KIF7: variants seen among roughly 807,000 people sequenced by gnomAD.
KIF7 encodes the protein kinesin-like protein KIF7.
KIF7 carries 104 observed loss-of-function variants against 135.7 expected under a neutral mutation model. The observed-to-expected ratio is 0.77, with a 90% CI of 0.65 to 0.90. KIF7 has a LOEUF of 0.90. KIF7 is among the 40% of genes least tolerant of loss of function. KIF7 has a pLI of 0.00. For synonymous variants in KIF7, 883 were observed against 809.4 expected, an observed-to-expected ratio of 1.09 and a Z score of -1.54; for missense variants, 2,005 against 1,839.1, an observed-to-expected ratio of 1.09 and a Z score of -1.65.
rs1466606411 is a variant in KIF7, at chr15:89,645,141, A to G, written c.2063T>C (p.Val688Ala). The change falls in exon 10 of 19, where the codon GTT becomes GCT. Residue 688 changes from valine to alanine, a missense_variant. By Grantham distance (64) the Val-to-Ala change is moderately conservative. Transcript: ENST00000394412. ...SRAVGGSKAR[V>A]QARQVPPATA... ...GGCAGGGGGGACCTGGCGGGCCTGAACTCGGGCCTTGCTCCCACCAACTGC... is the reference window on the plus strand; with the variant it reads ...GGCAGGGGGGACCTGGCGGGCCTGAGCTCGGGCCTTGCTCCCACCAACTGC... The G allele has an allele frequency of 6.2e-7, 1 of 1,604,542 alleles. No homozygotes were observed. Among genetic ancestry groups the G allele is most frequent in the East Asian group, 2.2e-5 (1 of 44,878 alleles).
At chr15:89,651,888 G>A (rs1336973228) in intron 2 of KIF7, among the ~76,000 whole-genome samples, 8 of 152,144 alleles carry the variant, frequency 5.3e-5, no homozygotes, top group South Asian at 2.1e-4. Flanking sequence ...AAAGAGAGCT[G>A]AGAGAGACCC....
rs935745017 is a variant in KIF7, at chr15:89,646,994, G to A, written c.1624C>T (p.Arg542Trp). 6.2e-7 allele frequency: 1 copy of A among 1,612,532 alleles called. No individual in the cohort carries two copies. Residue 542 changes from arginine (R) to tryptophan (W), a missense_variant, in exon 7 of 19, where the codon CGG becomes TGG. Transcript: ENST00000394412. ...AGCCGCGGGCCCCCCCAGCCTGGCC[G>A]CACCAGCTCTAACCGCAGCCGCAGT... ...VELRLRLELV[R>W]PGWGGPRLLN...
At chr15:89,626,172 A>G, downstream of KIF7, 1 of 1,306,584 alleles carries the variant, frequency 7.7e-7, no homozygotes, top group African/African-American at 1.5e-5. Flanking sequence ...CAAGTGTGGG[A>G]TAGGTGACTT....
intron 11 of KIF7, among the ~76,000 whole-genome samples, chr15:89,640,110 G>A (rs1484145504): frequency 1.3e-5 from 2 of 151,718 alleles, no homozygotes; most frequent in East Asian, 3.9e-4. Context: ...CATGGACACA[G>A]GAAGGGGAAC....
chr15:89,620,714 T>TTTTG (rs557806413), intron 1 of KIF7, among the ~76,000 whole-genome samples: 2,624 of 151,934 alleles, frequency 0.017, 17 homozygotes, highest in African/African-American at 0.027. Context: ...TTTTCTTATG[T>TTTTG]TTTGTTTGTT....
At chr15:89,641,009 TA>T (rs1006350302) in intron 11 of KIF7, among the ~76,000 whole-genome samples, 6 of 151,448 alleles carry the variant, frequency 4.0e-5, no homozygotes, top group African/African-American at 1.5e-4. Context: ...TCTCAAAAAA[TA>T]AAAAATGAAA....
At chr15:89,624,184 C>A (rs747524675), downstream of KIF7, 1 of 1,614,098 alleles carries the variant, frequency 6.2e-7, no homozygotes, top group Admixed American at 1.7e-5. Context: ...TATCAAAACT[C>A]CAAAAAGACC....
At chr15:89,640,364 C>G (rs985052234) in intron 11 of KIF7, among the ~76,000 whole-genome samples, 2 of 151,970 alleles carry the variant, frequency 1.3e-5, no homozygotes, top group Non-Finnish European at 2.9e-5. Flanking sequence ...ATTTACGCAC[C>G]AGGCACCACA....
rs766075678 is a variant in KIF7, at chr15:89,628,413, G to A, written c.*6C>T. ...CTCCCTCCAAGGCAGGGTCTGCCCC[G>A]AGGGCTTACAGGGGGTTTTTCCGGA... On this transcript the variant is annotated 3_prime_UTR_variant, in exon 19 of 19. Coordinates refer to ENST00000394412, the MANE Select transcript of KIF7 (RefSeq NM_198525.3). The A allele has an allele frequency of 2.4e-5, 39 of 1,601,380 alleles. No homozygotes were observed. The highest frequency in any genetic ancestry group is 1.0e-4 in the South Asian group (9 of 89,332).
intron 7 of KIF7, 21 bp downstream of exon 7, chr15:89,646,801 ACAGACACC>A (rs1964020934): frequency 1.9e-6 from 3 of 1,605,826 alleles, no homozygotes; most frequent in African/African-American, 1.3e-5. Flanking sequence ...AGCAGGGCCC[ACAGACACC>A]CAGCCTCACC....
At chr15:89,655,989 C>G (rs1311873827), upstream of KIF7, among the ~76,000 whole-genome samples, 3 of 152,162 alleles carry the variant, frequency 2.0e-5, no homozygotes, top group Admixed American at 2.0e-4. Flanking sequence ...ACCTCTGAGA[C>G]CTCTGATCCA....
upstream of KIF7, among the ~76,000 whole-genome samples, chr15:89,655,617 G>C (rs184245212): frequency 2.2e-4 from 34 of 152,244 alleles, no homozygotes; most frequent in East Asian, 6.6e-3. Context: ...CAAGGGCTGG[G>C]CCTGGAGAGT....
chr15:89,621,079 G>C (rs1963417203), intron 1 of KIF7, among the ~76,000 whole-genome samples: 1 of 150,644 alleles, frequency 6.6e-6, no homozygotes, highest in African/African-American at 2.5e-5. Context: ...GAGTGCAATG[G>C]TGCAATGTCG....
Position 89,649,821 on chromosome 15 carries a change from T to G in KIF7, c.449A>C (p.Lys150Thr), listed in dbSNP as rs1184119876. The change falls in exon 3 of 19, where the codon AAG becomes ACG. Residue 150 changes from lysine (K) to threonine (T), a missense_variant. Transcript: ENST00000394412. The stretch of plus-strand genomic sequence containing the variant: ...CTCGAGCAGGTCTCGGAACTCCTCC[T>G]TGTACACTTCCAGGTAGGACACATG... ...LVHVSYLEVY[K>T]EEFRDLLEVG... The G allele has an allele frequency of 6.4e-7, 1 of 1,551,682 alleles. No homozygotes were observed. Among genetic ancestry groups the G allele is most frequent in the African/African-American group, 1.4e-5 (1 of 73,066 alleles).
chr15:89,624,232 C>G, downstream of KIF7: 1 of 1,614,158 alleles, frequency 6.2e-7, no homozygotes, highest in Non-Finnish European at 8.5e-7. Flanking sequence ...ACCTGTTACG[C>G]CAAAGAAACT....
chr15:89,629,520 C>T lies in KIF7; in HGVS notation c.3372G>A (p.Leu1124=). 1 of 1,610,984 alleles carries T rather than the reference C, an allele frequency of 6.2e-7. No homozygotes were observed. ...TCTGCTGCTCCTCCAGCTGCATCTC[C>T]AGTTCCGAGAAGGCAATCTGCTGCT... ...QHQQQIAFSE[L]EMQLEEQQRL... is the part of the protein sequence containing the mutation. Residue 1124 remains leucine, a synonymous_variant, in exon 17 of 19, where the codon CTG becomes CTA. Transcript: ENST00000394412.
intron 11 of KIF7, among the ~76,000 whole-genome samples, chr15:89,635,608 G>A (rs573692526): frequency 4.6e-5 from 7 of 152,292 alleles, no homozygotes; most frequent in South Asian, 4.1e-4. Context: ...GAAATGAAGC[G>A]AGAAGGGAAG....
At position 89,648,695 on chromosome 15, in the gene KIF7, C is replaced by G. The variant is rs1964066114; in HGVS notation, c.1003G>C (p.Glu335Gln). 1.3e-6 allele frequency: 2 copies of G among 1,536,082 alleles called. No homozygotes were observed. The highest frequency in any genetic ancestry group is 8.7e-7 in the Non-Finnish European group (1 of 1,146,454). The change falls in exon 5 of 19, where the codon GAG becomes CAG. Residue 335 changes from glutamate to glutamine, a missense_variant. By Grantham distance (29) the Glu-to-Gln change is conservative. Coordinates refer to ENST00000394412, the MANE Select transcript of KIF7 (RefSeq NM_198525.3). ...GCGTAGTTGAGGGTGTTGAGGGTCT[C>G]GTCGAAGTCGGAGGAGGAAGGGCTG... ...CVSPSSSDFD[E>Q]TLNTLNYASR... is the part of the protein sequence containing the mutation.
Position 89,628,402 on chromosome 15 carries a change from G to C in KIF7, c.*17C>G. 6.3e-7 allele frequency: 1 copy of C among 1,591,338 alleles called. No individual in the cohort carries two copies. Among genetic ancestry groups the C allele is most frequent in the Non-Finnish European group, 8.6e-7 (1 of 1,169,500 alleles). The stretch of plus-strand genomic sequence containing the variant: ...AGGCTCGGAGTCTCCCTCCAAGGCA[G>C]GGTCTGCCCCGAGGGCTTACAGGGG... On this transcript the variant is annotated 3_prime_UTR_variant, in exon 19 of 19. Transcript: ENST00000394412.
Sources: allele counts gnomAD v4.1 joint callset (sites outside exome capture counted in the v4.1 genomes callset), GRCh38; gene constraint gnomAD v4.1.1; transcripts MANE v1.5; gene names NCBI Gene and HGNC (gene_info 2026-07-23, HGNC 2026-07-21).